The following ZFHX4 variants were observed in gnomAD, a reference collection of about 807,000 sequenced individuals.
ZFHX4 encodes zinc finger homeobox protein 4.
ZFHX4 carries 56 observed loss-of-function variants against 267.6 expected under a neutral mutation model. The observed-to-expected ratio is 0.21, with a 90% CI of 0.17 to 0.26. The LOEUF (loss-of-function observed/expected upper bound fraction) is 0.26, where lower values mean the gene tolerates loss of function less well. Among genes scored for constraint, ZFHX4 ranks in the 10% least tolerant of loss-of-function variants. ZFHX4 has a pLI of 1.00. For synonymous variants in ZFHX4, 1,778 were observed against 1,665.6 expected (o/e 1.07, Z -1.64); for missense variants, 4,332 against 4,420.0 (o/e 0.98, Z 0.56).
chr8:76,699,034 T>G (rs934607912), intron 1 of ZFHX4, among the ~76,000 whole-genome samples: 1 of 152,190 alleles, frequency 6.6e-6, no homozygotes, highest in African/African-American at 2.4e-5. Flanking sequence ...GGACATAGAC[T>G]GGTCTTTGTT....
chr8:76,738,611 C>T (rs1322417615), intron 3 of ZFHX4, among the ~76,000 whole-genome samples: 2 of 145,056 alleles, frequency 1.4e-5, no homozygotes, highest in African/African-American at 2.6e-5. Context: ...TCCTTCCTTC[C>T]TTCCTTCCTT....
Position 76,851,221 on chromosome 8 carries a change from T to C in ZFHX4, c.4300T>C (p.Phe1434Leu), listed in dbSNP as rs1812511098. 1.9e-6 allele frequency: 3 copies of C among 1,613,854 alleles called. No homozygotes were observed. The highest frequency in any genetic ancestry group is 1.7e-6 in the Non-Finnish European group (2 of 1,179,844). Residue 1434 changes from phenylalanine to leucine, a missense_variant, in exon 10 of 11, where the codon TTC (phenylalanine) becomes CTC (leucine). Around this residue, in one of 7 missense-constraint regions of ZFHX4, gnomAD observed 1,371 missense variants for 1,423.1 expected, o/e 0.96. Transcript: ENST00000651372. Reference sequence around the variant, plus strand: ...AATGTGTAACCTCTGCCAGCGCAGTTTCCGTACATTCCAGGCTTTAAAAAA... The same window carrying C: ...AATGTGTAACCTCTGCCAGCGCAGTCTCCGTACATTCCAGGCTTTAAAAAA... ...ATMCNLCQRS[F>L]RTFQALKKHL...
intron 1 of ZFHX4, among the ~76,000 whole-genome samples, chr8:76,696,526 C>T (rs188539694): frequency 4.2e-4 from 63 of 151,046 alleles, no homozygotes; most frequent in African/African-American, 1.4e-3. Flanking sequence ...TTATGGTTGA[C>T]GGTTGTTTAT....
At position 76,706,125 on chromosome 8, in the gene ZFHX4, T is replaced by C. The variant is rs1434742993; in HGVS notation, c.2037T>C (p.Thr679=). 1 of 1,613,694 alleles carries C rather than the reference T, an allele frequency of 6.2e-7. No individual in the cohort carries two copies. The highest frequency in any genetic ancestry group is 2.2e-5 in the East Asian group (1 of 44,834). ...GTGGCTCTTGTGTTTATTGTAAGAC[T>C]GGACAGCCTCACCCCAGGCTTGCCC... is the stretch of plus-strand genomic sequence containing the variant. ...EPGGSCVYCK[T]GQPHPRLARG... is the part of the protein sequence containing the mutation. Residue 679 remains threonine (T), a synonymous_variant, in exon 2 of 11, where the codon ACT becomes ACC. Transcript: ENST00000651372.
intron 6 of ZFHX4, among the ~76,000 whole-genome samples, chr8:76,847,452 T>C (rs545485189): frequency 6.6e-6 from 1 of 152,166 alleles, no homozygotes; most frequent in South Asian, 2.1e-4. Context: ...CCGACACATA[T>C]ATATATACAT....
chr8:76,810,217 G>C (rs1585968560), intron 4 of ZFHX4, among the ~76,000 whole-genome samples: 1 of 152,014 alleles, frequency 6.6e-6, no homozygotes, highest in African/African-American at 2.4e-5. Context: ...TTCATTTTCA[G>C]CACTACAAAA....
At chr8:76,808,492 A>G (rs1563534384) in intron 4 of ZFHX4, among the ~76,000 whole-genome samples, 6 of 152,158 alleles carry the variant, frequency 3.9e-5, no homozygotes, top group Admixed American at 2.6e-4. Flanking sequence ...AAGGCTGATG[A>G]CGCTAACGAA....
intron 1 of ZFHX4, chr8:76,683,125 G>C (rs1200979760): frequency 6.6e-6 from 1 of 152,040 alleles, no homozygotes; most frequent in African/African-American, 2.4e-5. Flanking sequence ...TTCTGCGGGC[G>C]CCTTTGGCCG....
intron 3 of ZFHX4, among the ~76,000 whole-genome samples, chr8:76,716,510 T>G (rs930452799): frequency 6.6e-6 from 1 of 152,214 alleles, no homozygotes; most frequent in African/African-American, 2.4e-5. Flanking sequence ...GGGCTGGAAT[T>G]CTAACCTTGG....
chr8:76,726,263 C>A (rs1473524410), intron 3 of ZFHX4, among the ~76,000 whole-genome samples: 2 of 151,958 alleles, frequency 1.3e-5, no homozygotes, highest in African/African-American at 4.8e-5. Flanking sequence ...ATGCAGACTG[C>A]AAGTTCTTCC....
chr8:76,826,890 A>G (rs1811799098), intron 4 of ZFHX4, among the ~76,000 whole-genome samples: 1 of 152,252 alleles, frequency 6.6e-6, no homozygotes, highest in South Asian at 2.1e-4. Flanking sequence ...GCTGGTTTTG[A>G]GATAGGAAGC....
In ZFHX4 at chr8:76,856,084, G is replaced by T. The variant is rs1360329057; in HGVS notation, c.9163G>T (p.Val3055Phe). 1 of 1,613,832 alleles carries T rather than the reference G, an allele frequency of 6.2e-7. No homozygotes were observed. The highest frequency in any genetic ancestry group is 2.2e-5 in the East Asian group (1 of 44,880). ...REKDYLAPTT[V>F]RQLMAQQELD... ...GAAAGATTACTTGGCTCCGACCACG[G>T]TTCGGCAGCTGATGGCACAGCAAGA... is the stretch of plus-strand genomic sequence containing the variant. Residue 3055 changes from valine (V) to phenylalanine (F), a missense_variant, in exon 10 of 11, where the codon GTT becomes TTT. By Grantham distance (50) the Val-to-Phe change is conservative (BLOSUM62 -1). Around this residue, in one of 7 missense-constraint regions of ZFHX4, gnomAD observed 1,648 missense variants for 1,625.0 expected, o/e 1.01. Coordinates refer to ENST00000651372, the MANE Select transcript of ZFHX4 (RefSeq NM_024721.5).
chr8:76,694,542 G>GGA (rs1368886868), intron 1 of ZFHX4, among the ~76,000 whole-genome samples: 1 of 152,074 alleles, frequency 6.6e-6, no homozygotes, highest in Admixed American at 6.5e-5. Flanking sequence ...TGAACGGAAG[G>GGA]GACCTTTAAG....
chr8:76,763,572 G>A (rs145246609), intron 3 of ZFHX4, among the ~76,000 whole-genome samples: 2,035 of 152,200 alleles, frequency 0.013, 50 homozygotes, highest in African/African-American at 0.045. Context: ...GCAGTGAGCC[G>A]TGATGGCCCC....
intron 6 of ZFHX4, among the ~76,000 whole-genome samples, chr8:76,846,356 GC>G (rs1271432431): frequency 6.6e-6 from 1 of 151,968 alleles, no homozygotes. Flanking sequence ...AGATGTTCTA[GC>G]TTTTATTTAT....
chr8:76,824,321 A>C (rs985215403), intron 4 of ZFHX4, among the ~76,000 whole-genome samples: 3 of 152,318 alleles, frequency 2.0e-5, no homozygotes, highest in Admixed American at 6.5e-5. Context: ...CTAGAAAATT[A>C]CTCAAATCCA....
intron 3 of ZFHX4, among the ~76,000 whole-genome samples, chr8:76,777,750 T>C (rs911125825): frequency 2.0e-5 from 3 of 152,120 alleles, no homozygotes; most frequent in African/African-American, 7.2e-5. Flanking sequence ...GGATTTCAGC[T>C]TATGGTTAAA....
chr8:76,833,526 C>A, intron 5 of ZFHX4, 120 bp downstream of exon 5: 2 of 690,706 alleles, frequency 2.9e-6, no homozygotes, highest in South Asian at 2.0e-5. Context: ...TGATCATATG[C>A]CTTATTCAAA....
chr8:76,863,086 G>A lies in ZFHX4; in HGVS notation c.9380-8G>A. ...TGACAGTGGCCATCTCTCTGTTGTT[G>A]TTTTCAGCTTTAACACCTCCCGGTG... is the stretch of plus-strand genomic sequence containing the variant. On this transcript the variant is annotated splice_polypyrimidine_tract_variant and splice_region_variant and intron_variant, in intron 10 of 10. Coordinates refer to ENST00000651372, the MANE Select transcript of ZFHX4 (RefSeq NM_024721.5). The A allele has an allele frequency of 6.7e-7, 1 of 1,497,520 alleles. No homozygotes were observed. Among genetic ancestry groups the A allele is most frequent in the African/African-American group, 1.4e-5 (1 of 71,468 alleles). 92.8% of individuals were successfully genotyped at this position (1,497,520 alleles called of 1,614,324 possible).
Sources: gnomAD v4.1 joint callset for allele counts (sites outside exome capture counted in the v4.1 genomes callset) on GRCh38, gnomAD v4.1.1 for gene constraint, gnomAD v4.1.1 regional missense constraint, MANE v1.5 for transcripts, NCBI Gene and HGNC (gene_info 2026-07-23, HGNC 2026-07-21) for gene names.